The following OTOGL variants were observed in gnomAD, a reference collection of about 807,000 sequenced individuals.
OTOGL encodes the protein otogelin-like protein.
OTOGL carries 285 observed loss-of-function variants against 318.5 expected under a neutral mutation model. The ratio of observed to expected loss-of-function variants is 0.89; its 90% CI spans 0.81 to 0.99. The LOEUF is 0.99. Among genes scored for constraint, OTOGL ranks in the 50% least tolerant of loss-of-function variants. The pLI, the probability that OTOGL is intolerant of heterozygous loss-of-function variation, is 0.00. For missense variants in OTOGL, 2,899 were observed against 2,845.6 expected, an observed-to-expected ratio of 1.02 and a Z score of -0.43; for synonymous variants, 987 against 936.5, an observed-to-expected ratio of 1.05 and a Z score of -0.99.
rs1222625810 is a variant in OTOGL at position 80,367,610 on chromosome 12, A to G, written c.6381A>G (p.Gly2127=). Residue 2127 remains glycine, a synonymous_variant, in exon 54 of 59, where the codon GGA becomes GGG. Transcript: ENST00000547103. ...AAGAAGTATCAGTATTGAATCCTGG[A>G]CAATCCATGATAAAGTATTTGGAAG... ...VFQEVSVLNP[G]QSMIKYLEED... The G allele has an allele frequency of 6.5e-7, 1 of 1,546,882 alleles. No homozygotes were observed. Among genetic ancestry groups the G allele is most frequent in the East Asian group, 2.3e-5 (1 of 42,918 alleles).
chr12:80,266,765 G>C (rs1565942113), intron 21 of OTOGL, 149 bp downstream of exon 21: 3 of 817,968 alleles, frequency 3.7e-6, no homozygotes, highest in Non-Finnish European at 5.5e-6. Flanking sequence ...TTCATCAACA[G>C]TTACAGAAAT....
chr12:80,154,057 C>A (rs1872958274), intron 1 of OTOGL, among the ~76,000 whole-genome samples: 1 of 152,128 alleles, frequency 6.6e-6, no homozygotes. Flanking sequence ...GCCTGTAATC[C>A]CAGCACTTTG....
At chr12:80,309,934 T>C (rs1295978029) in intron 29 of OTOGL, among the ~76,000 whole-genome samples, 1 of 151,674 alleles carries the variant, frequency 6.6e-6, no homozygotes, top group Non-Finnish European at 1.5e-5. Flanking sequence ...ATGAGAAAAA[T>C]AGAGGTTTGA....
chr12:80,351,645 G>A (rs117609345), intron 44 of OTOGL, among the ~76,000 whole-genome samples: 5,576 of 152,052 alleles, frequency 0.037, 164 homozygotes, highest in Middle Eastern at 0.071. Context: ...TATTTTTATC[G>A]GATACTTTGG....
chr12:80,297,640 T>G (rs1171669305), intron 27 of OTOGL, among the ~76,000 whole-genome samples: 1 of 152,132 alleles, frequency 6.6e-6, no homozygotes, highest in African/African-American at 2.4e-5. Flanking sequence ...GCCTTGTATA[T>G]GTACATTTTT....
At chr12:80,117,460 C>A (rs1214174852) in intron 1 of OTOGL, among the ~76,000 whole-genome samples, 2 of 152,186 alleles carry the variant, frequency 1.3e-5, no homozygotes, top group African/African-American at 2.4e-5. Flanking sequence ...CCTAGCTCCA[C>A]AATGCCCCTT....
intron 29 of OTOGL, among the ~76,000 whole-genome samples, chr12:80,306,319 A>G (rs1886101882): frequency 6.6e-6 from 1 of 152,224 alleles, no homozygotes; most frequent in African/African-American, 2.4e-5. Context: ...TTATTTATTA[A>G]TTCTCAAGGA....
intron 1 of OTOGL, among the ~76,000 whole-genome samples, chr12:80,148,259 A>C (rs1263339203): frequency 1.4e-5 from 2 of 143,152 alleles, no homozygotes; most frequent in African/African-American, 5.1e-5. Flanking sequence ...GTGGTGACAA[A>C]ATCTCTCAGC....
At chr12:80,307,951 G>A (rs1424449707) in intron 29 of OTOGL, among the ~76,000 whole-genome samples, 37 of 139,268 alleles carry the variant, frequency 2.7e-4, no homozygotes, top group Non-Finnish European at 5.1e-4. Flanking sequence ...CGGACGGAGC[G>A]GCTGGCCGGG....
In OTOGL at chr12:80,233,099, T is replaced by C. The variant is rs1472131665; in HGVS notation, c.817+2T>C. The C allele has an allele frequency of 2.1e-5, 33 of 1,583,788 alleles. No homozygotes were observed. The highest frequency in any genetic ancestry group is 2.7e-5 in the Non-Finnish European group (32 of 1,166,186). ...CTGATGATTTCATAATTCTGCAAGGTAAGTGAAGCAGAATAAATGTGTGGG... is the reference window on the plus strand; with the variant it reads ...CTGATGATTTCATAATTCTGCAAGGCAAGTGAAGCAGAATAAATGTGTGGG... On this transcript the variant is annotated splice_donor_variant, in intron 9 of 58. Transcript: ENST00000547103. LOFTEE classifies it high-confidence loss of function.
In OTOGL at chr12:80,211,998, G is replaced by A; in HGVS notation, c.168+1G>A. 1 of 1,573,384 alleles carries A rather than the reference G, an allele frequency of 6.4e-7. No homozygotes were observed. Among genetic ancestry groups the A allele is most frequent in the East Asian group, 2.3e-5 (1 of 44,074 alleles). ...GAAAAGAGCTCTTTTAGCAGCACAG[G>A]TAGGTTATGCTTCAGGTGGAGAGAG... On this transcript the variant is annotated splice_donor_variant, in intron 4 of 58. Coordinates refer to ENST00000547103, the MANE Select transcript of OTOGL (RefSeq NM_001378609.3). LOFTEE classifies it high-confidence loss of function.
At chr12:80,188,813 T>A (rs1875482593) in intron 1 of OTOGL, among the ~76,000 whole-genome samples, 1 of 152,172 alleles carries the variant, frequency 6.6e-6, no homozygotes, top group Admixed American at 6.5e-5. Context: ...AAACAATCGA[T>A]CCTCCACAGA....
Position 80,353,325 on chromosome 12 carries a change from C to T in OTOGL, c.5408C>T (p.Ser1803Phe), listed in dbSNP as rs1256689449. 3.3e-6 allele frequency: 5 copies of T among 1,502,286 alleles called. No individual in the cohort carries two copies. The highest frequency in any genetic ancestry group is 1.4e-5 in the African/African-American group (1 of 72,010). The allele number at this position is 1,502,286 out of a possible 1,614,324, so 93.1% of individuals were successfully genotyped here. ...AAATTTTGTCTCCTATTCTTCAAAG[C>T]CCTGAGTTGCCCAGAGGGGAAGGAA... ...CIQWRTPDYCSLSCPEGKEYQ... is the reference protein window; with the variant it reads ...CIQWRTPDYCFLSCPEGKEYQ... Residue 1803 changes from serine (S) to phenylalanine (F), a missense_variant and splice_region_variant, in exon 46 of 59, where the codon TCC (serine) becomes TTC (phenylalanine). Physicochemically the swap from Ser to Phe is radical, Grantham distance 155. Coordinates refer to ENST00000547103, the MANE Select transcript of OTOGL (RefSeq NM_001378609.3).
At chr12:80,110,067 CTTTTTTT>C (rs35589524) in intron 1 of OTOGL, among the ~76,000 whole-genome samples, 4 of 103,762 alleles carry the variant, frequency 3.9e-5, no homozygotes, top group African/African-American at 1.2e-4. Context: ...TTCTTTCTTT[CTTTTTTT>C]TTTTTTTTTT....
chr12:80,312,233 A>G (rs1026731946), intron 30 of OTOGL, among the ~76,000 whole-genome samples: 1 of 152,190 alleles, frequency 6.6e-6, no homozygotes, highest in Non-Finnish European at 1.5e-5. Context: ...TTCTTCATCT[A>G]TGTCAATCCA....
At chr12:80,155,276 A>G (rs188048385) in intron 1 of OTOGL, among the ~76,000 whole-genome samples, 1 of 152,256 alleles carries the variant, frequency 6.6e-6, no homozygotes, top group East Asian at 1.9e-4. Context: ...GAAGTTTTAA[A>G]TTTTAATGAA....
intron 24 of OTOGL, among the ~76,000 whole-genome samples, chr12:80,276,809 A>G (rs960495408): frequency 1.3e-5 from 2 of 151,622 alleles, no homozygotes; most frequent in African/African-American, 4.8e-5. Flanking sequence ...TGTGACATGA[A>G]CATAAACAAG....
intron 1 of OTOGL, among the ~76,000 whole-genome samples, chr12:80,144,445 C>A (rs972807441): frequency 6.7e-6 from 1 of 149,038 alleles, no homozygotes; most frequent in Non-Finnish European, 1.5e-5. Context: ...TTTCTTAATC[C>A]GGTCTATCAT....
At chr12:80,111,299 G>A (rs997094378) in intron 1 of OTOGL, among the ~76,000 whole-genome samples, 81 of 152,186 alleles carry the variant, frequency 5.3e-4, no homozygotes, top group African/African-American at 1.9e-3. Context: ...TGCTTTTGGT[G>A]TTTTAGTCAT....
Sources: gnomAD v4.1 joint callset for allele counts (sites outside exome capture counted in the v4.1 genomes callset) on GRCh38, gnomAD v4.1.1 for gene constraint, MANE v1.5 for transcripts, NCBI Gene and HGNC (gene_info 2026-07-23, HGNC 2026-07-21) for gene names.